The following MAP2K4 variants were observed in gnomAD, a reference collection of about 807,000 sequenced individuals.
MAP2K4 encodes the protein dual specificity mitogen-activated protein kinase kinase 4.
In MAP2K4, 4 loss-of-function variants were observed where a neutral mutation model predicts 48.5. That is an observed-to-expected ratio of 0.08 (90% CI 0.04 to 0.19). The LOEUF is 0.19. Among genes scored for constraint, MAP2K4 ranks in the 10% least tolerant of loss-of-function variants. MAP2K4 has a pLI of 1.00. For missense variants in MAP2K4, 258 were observed against 493.3 expected (o/e 0.52, Z 4.52); for synonymous variants, 166 against 173.1 (o/e 0.96, Z 0.32).
intron 2 of MAP2K4, among the ~76,000 whole-genome samples, chr17:12,068,752 TTA>T (rs1382454582): frequency 1.5e-4 from 23 of 148,650 alleles, no homozygotes; most frequent in Admixed American, 2.0e-4. Context: ...CATATATATA[TTA>T]TATATATATA....
chr17:12,098,714 A>T (rs1168734598), intron 4 of MAP2K4, among the ~76,000 whole-genome samples: 2 of 151,986 alleles, frequency 1.3e-5, no homozygotes, highest in East Asian at 1.9e-4. Flanking sequence ...AGCTTACCTT[A>T]CTATCACTGT....
At chr17:12,055,589 G>T (rs1430268909) in intron 2 of MAP2K4, among the ~76,000 whole-genome samples, 1 of 151,904 alleles carries the variant, frequency 6.6e-6, no homozygotes, top group Non-Finnish European at 1.5e-5. Flanking sequence ...TAAAGCAAGT[G>T]GTGTAAGGTA....
intron 1 of MAP2K4, among the ~76,000 whole-genome samples, chr17:12,039,170 C>T (rs1323802271): frequency 1.3e-5 from 2 of 152,192 alleles, no homozygotes; most frequent in African/African-American, 4.8e-5. Flanking sequence ...CTCCAGGATT[C>T]TGAAATGACT....
At chr17:12,120,261 G>T (rs1425388143) in intron 7 of MAP2K4, among the ~76,000 whole-genome samples, 1 of 151,986 alleles carries the variant, frequency 6.6e-6, no homozygotes, top group Non-Finnish European at 1.5e-5. Flanking sequence ...AGGAATTCAA[G>T]ACCAGCCTGG....
intron 3 of MAP2K4, among the ~76,000 whole-genome samples, chr17:12,082,504 G>C (rs1265849785): frequency 6.6e-6 from 1 of 152,172 alleles, no homozygotes; most frequent in Non-Finnish European, 1.5e-5. Context: ...TTGAGAGTTT[G>C]TCAGAGTGGT....
intron 1 of MAP2K4, among the ~76,000 whole-genome samples, chr17:12,048,860 T>C (rs1348910710): frequency 1.3e-5 from 2 of 152,044 alleles, no homozygotes; most frequent in Non-Finnish European, 2.9e-5. Context: ...TTTTACCATG[T>C]TGGCCTGGCT....
chr17:12,099,611 C>G (rs1392617205), intron 4 of MAP2K4, among the ~76,000 whole-genome samples: 1 of 152,146 alleles, frequency 6.6e-6, no homozygotes, highest in African/African-American at 2.4e-5. Flanking sequence ...AAAGAAAAGT[C>G]CAAAGTACAG....
At chr17:12,105,678 T>C (rs1382928588) in intron 4 of MAP2K4, among the ~76,000 whole-genome samples, 1 of 152,086 alleles carries the variant, frequency 6.6e-6, no homozygotes, top group Admixed American at 6.6e-5. Context: ...TTTCATTTTT[T>C]AAATGCAGCT....
chr17:12,051,152 C>A (rs1320165586), intron 1 of MAP2K4, among the ~76,000 whole-genome samples: 1 of 152,142 alleles, frequency 6.6e-6, no homozygotes, highest in Admixed American at 6.5e-5. Context: ...ATTTTCCCAG[C>A]ATGTTGAACA....
At chr17:12,050,244 G>A (rs542769975) in intron 1 of MAP2K4, among the ~76,000 whole-genome samples, 1 of 152,250 alleles carries the variant, frequency 6.6e-6, no homozygotes, top group African/African-American at 2.4e-5. Context: ...ATGTTGATAA[G>A]AAAAACAATC....
chr17:12,077,269 C>T (rs959722694), intron 2 of MAP2K4, among the ~76,000 whole-genome samples: 1 of 152,214 alleles, frequency 6.6e-6, no homozygotes, highest in Admixed American at 6.5e-5. Context: ...CCACTAAATG[C>T]TGCTTGCACT....
intron 4 of MAP2K4, among the ~76,000 whole-genome samples, chr17:12,103,524 A>C (rs1462192886): frequency 2.0e-5 from 3 of 151,942 alleles, no homozygotes; most frequent in Admixed American, 6.6e-5. Flanking sequence ...ACATAGACTA[A>C]ATTACAGAGG....
intron 7 of MAP2K4, chr17:12,115,562 G>C: frequency 2.9e-6 from 2 of 689,638 alleles, no homozygotes; most frequent in Non-Finnish European, 5.4e-6. Flanking sequence ...AGACTACCAG[G>C]CTGCGGAGGA....
intron 2 of MAP2K4, among the ~76,000 whole-genome samples, chr17:12,066,536 T>C (rs1380932815): frequency 1.3e-5 from 2 of 152,146 alleles, no homozygotes; most frequent in Non-Finnish European, 2.9e-5. Context: ...CCTCTTCTTC[T>C]TCTTCTTTGT....
chr17:12,081,174 A>G lies in MAP2K4; in HGVS notation c.219-182A>G, dbSNP rs1971175282. Among the ~76,000 whole-genome samples the G allele has an allele frequency of 6.6e-6, 1 of 152,242 alleles. No homozygotes were observed. Among genetic ancestry groups the G allele is most frequent in the Non-Finnish European group, 1.5e-5 (1 of 68,044 alleles). On this transcript the variant is annotated intron_variant, in intron 2 of 10. Coordinates refer to ENST00000353533, the MANE Select transcript of MAP2K4 (RefSeq NM_003010.4). This position sits in a 1 kb window ranked among gnomAD's most constrained non-coding sequence, Gnocchi z 4.2. Reference sequence around the variant, plus strand: ...CTGTGTCTATTGACTACCTAAATCTAGATCATTCTTAATCCAGTGTGTAAA... The same window carrying G: ...CTGTGTCTATTGACTACCTAAATCTGGATCATTCTTAATCCAGTGTGTAAA...
intron 2 of MAP2K4, among the ~76,000 whole-genome samples, chr17:12,066,789 A>C (rs190820823): frequency 0.014 from 2,084 of 152,166 alleles, 17 homozygotes; most frequent in East Asian, 0.047. Context: ...TTCCGGGTTC[A>C]CGCCATTCTC....
At chr17:12,052,219 G>A (rs1970164312) in intron 1 of MAP2K4, among the ~76,000 whole-genome samples, 1 of 152,108 alleles carries the variant, frequency 6.6e-6, no homozygotes, top group Admixed American at 6.6e-5. Context: ...GAATTACTTA[G>A]TGTGTTTTGT....
intron 3 of MAP2K4, among the ~76,000 whole-genome samples, chr17:12,088,335 T>C (rs1255657988): frequency 6.6e-6 from 1 of 150,620 alleles, no homozygotes; most frequent in Non-Finnish European, 1.5e-5. Context: ...GGTATGTTTA[T>C]GGCATAGCAG....
rs570665308 is a variant in MAP2K4, at chr17:12,040,565, A to G, written c.116-14324A>G. 3.3e-5 allele frequency among the ~76,000 whole-genome samples: 5 copies of G among 152,316 alleles called. 1 individual carries two copies. In the South Asian group the frequency reaches 6.2e-4, roughly 19 times the overall value. ...GTTCTCTGGTGAAGTTGAGGAGCCAATGGTTAGACAAGACTAGTCCTGCCA... is the reference window on the plus strand; with the variant it reads ...GTTCTCTGGTGAAGTTGAGGAGCCAGTGGTTAGACAAGACTAGTCCTGCCA... On this transcript the variant is annotated intron_variant, in intron 1 of 10. Coordinates refer to ENST00000353533, the MANE Select transcript of MAP2K4 (RefSeq NM_003010.4).
Sources: allele counts gnomAD v4.1 joint callset (sites outside exome capture counted in the v4.1 genomes callset), GRCh38; gene constraint gnomAD v4.1.1; non-coding constraint Gnocchi (gnomAD v3.1); transcripts MANE v1.5; gene names NCBI Gene and HGNC (gene_info 2026-07-23, HGNC 2026-07-21).